WDR76: variants seen among roughly 807,000 people sequenced by gnomAD.
The protein encoded by WDR76 is WD repeat-containing protein 76.
In WDR76, 52 loss-of-function variants were observed where a neutral mutation model predicts 70.2. The observed-to-expected ratio is 0.74, with a 90% CI of 0.59 to 0.93. The LOEUF is 0.93. Ranked by LOEUF, WDR76 falls within the 40% of genes least tolerant of loss-of-function variation. The pLI is 0.00. For synonymous variants in WDR76, 292 were observed against 271.1 expected (o/e 1.08, Z -0.76); for missense variants, 756 against 760.2 (o/e 0.99, Z 0.07).
intron 11 of WDR76, among the ~76,000 whole-genome samples, chr15:43,860,973 T>G (rs1395154188): frequency 7.5e-6 from 1 of 133,184 alleles, no homozygotes; most frequent in Non-Finnish European, 1.5e-5. Flanking sequence ...CAGGCTGGAG[T>G]GCAGTAGAGT....
chr15:43,844,188 C>A, intron 8 of WDR76, 134 bp downstream of exon 8: 1 of 741,878 alleles, frequency 1.3e-6, no homozygotes, highest in Non-Finnish European at 2.0e-6. Context: ...CTTTATGATT[C>A]CAAATTTTAG....
Position 43,844,009 on chromosome 15 carries a change from G to A in WDR76, c.987G>A (p.Leu329=). The A allele has an allele frequency of 6.2e-7, 1 of 1,613,572 alleles. No individual in the cohort carries two copies. The highest frequency in any genetic ancestry group is 8.5e-7 in the Non-Finnish European group (1 of 1,179,812). Residue 329 remains leucine (L), a synonymous_variant, in exon 8 of 13, where the codon TTG becomes TTA. Transcript: ENST00000263795. ...TCCATCCATCAGAAACTAGAACTTT[G>A]GTAGCAGTTGGGGCCAAATTTGGGC... is the stretch of plus-strand genomic sequence containing the variant. ...MALHPSETRT[L]VAVGAKFGQV...
chr15:43,859,019 C>G (rs1306188595), intron 11 of WDR76, among the ~76,000 whole-genome samples, 196 bp downstream of exon 11: 1 of 152,116 alleles, frequency 6.6e-6, no homozygotes, highest in Non-Finnish European at 1.5e-5. Flanking sequence ...CTGGAAATTT[C>G]CTTGAGACTG....
chr15:43,832,738 G>GCTTT (rs2087605496), intron 2 of WDR76, among the ~76,000 whole-genome samples: 1 of 88,782 alleles, frequency 1.1e-5, no homozygotes, highest in Non-Finnish European at 2.4e-5. Flanking sequence ...CACCCGGCTT[G>GCTTT]CTTTGTTTTT....
chr15:43,857,834 A>AC (rs2087947533), intron 10 of WDR76, among the ~76,000 whole-genome samples: 1 of 151,298 alleles, frequency 6.6e-6, no homozygotes, highest in Non-Finnish European at 1.5e-5. Context: ...AAAAAAAAAA[A>AC]AAAAAAAAAA....
intron 5 of WDR76, 54 bp downstream of exon 5, chr15:43,839,782 G>A: frequency 2.6e-6 from 4 of 1,517,156 alleles, no homozygotes; most frequent in African/African-American, 2.8e-5. Flanking sequence ...TGAAAAATTT[G>A]AAGTGTTGAA....
At chr15:43,841,635 G>A (rs2087726807) in intron 5 of WDR76, among the ~76,000 whole-genome samples, 1 of 151,934 alleles carries the variant, frequency 6.6e-6, no homozygotes, top group Non-Finnish European at 1.5e-5. Flanking sequence ...CCATGTACCT[G>A]GCCTGGTATT....
intron 8 of WDR76, among the ~76,000 whole-genome samples, chr15:43,845,861 G>GA (rs1459063947): frequency 6.6e-6 from 1 of 150,410 alleles, no homozygotes; most frequent in Non-Finnish European, 1.5e-5. Flanking sequence ...GACAATTAAT[G>GA]AAGGTGAAGA....
chr15:43,851,278 G>A, intron 9 of WDR76, 33 bp downstream of exon 9: 1 of 1,605,598 alleles, frequency 6.2e-7, no homozygotes, highest in Non-Finnish European at 8.5e-7. Context: ...GCTGACTTCA[G>A]ATGATATTCT....
At chr15:43,827,299 A>G (rs1016931130) in intron 1 of WDR76, among the ~76,000 whole-genome samples, 4 of 151,968 alleles carry the variant, frequency 2.6e-5, no homozygotes, top group African/African-American at 7.3e-5. Context: ...CCTTTCTTCA[A>G]CCTTCTGCGT....
rs752265712 is a variant in WDR76, at chr15:43,861,304, A to G, written c.1563-29A>G. ...ATTTCAGAAAGTTTTTAAGTAACAA[A>G]AGAATGTCTTACTCTCTTTATTTTG... On this transcript the variant is annotated intron_variant, in intron 11 of 12. Transcript: ENST00000263795. 4 of 1,597,294 alleles carry G rather than the reference A, an allele frequency of 2.5e-6. No individual in the cohort carries two copies. The South Asian group carries it at 3.3e-5, about 13-fold the overall frequency.
In WDR76 at chr15:43,866,622, C is replaced by CT. The variant is rs5812253; in HGVS notation, c.*251dup. The CT allele has an allele frequency of 6.1e-3, 757 of 124,178 alleles. No individual in the cohort carries two copies. Among genetic ancestry groups the CT allele is most frequent in the South Asian group, 0.01 (103 of 9,890 alleles). 7.7% of individuals were successfully genotyped at this position (124,178 alleles called of 1,614,324 possible). A position where few individuals can be genotyped will look rare whatever the true frequency, so the allele number is the denominator to read the frequency against. The stretch of plus-strand genomic sequence containing the variant: ...AGGGGAGGCTGAGGTGCCGTCAGGA[C>CT]TTTTTTTTTTTTTTTTTTTTTGAGA... On this transcript the variant is annotated 3_prime_UTR_variant, in exon 13 of 13. Coordinates refer to ENST00000263795, the MANE Select transcript of WDR76 (RefSeq NM_024908.4).
chr15:43,866,164 C>T lies in WDR76; in HGVS notation c.1653C>T (p.Phe551=), dbSNP rs778909102. 1.2e-6 allele frequency: 2 copies of T among 1,614,222 alleles called. No individual in the cohort carries two copies. The highest frequency in any genetic ancestry group is 2.2e-5 in the East Asian group (1 of 44,886). The part of the protein sequence containing the change: ...NTFTGRWLTR[F]QAMWDPKQED... ...TCACTGGGCGATGGCTGACCAGGTTCCAAGCCATGTGGGATCCTAAACAAG... is the reference window on the plus strand; with the variant it reads ...TCACTGGGCGATGGCTGACCAGGTTTCAAGCCATGTGGGATCCTAAACAAG... The change falls in exon 13 of 13, where the codon TTC becomes TTT. Residue 551 remains phenylalanine, a synonymous_variant. Coordinates refer to ENST00000263795, the MANE Select transcript of WDR76 (RefSeq NM_024908.4).
chr15:43,862,796 C>T (rs1015768459), intron 12 of WDR76, among the ~76,000 whole-genome samples: 2 of 152,208 alleles, frequency 1.3e-5, no homozygotes, highest in African/African-American at 4.8e-5. Context: ...GCGTGAGCCA[C>T]CACACCCAGC....
At chr15:43,857,357 G>T (rs2087941366) in intron 10 of WDR76, 194 bp downstream of exon 10, 1 of 770,732 alleles carries the variant, frequency 1.3e-6, no homozygotes, top group South Asian at 5.9e-5. Flanking sequence ...AATTCTTTTA[G>T]ATTTGATAAA....
chr15:43,858,323 C>T (rs1325796554), intron 10 of WDR76, among the ~76,000 whole-genome samples: 3 of 151,102 alleles, frequency 2.0e-5, no homozygotes, highest in Non-Finnish European at 2.9e-5. Flanking sequence ...GGCGCGATCT[C>T]GGCTCACTGC....
At chr15:43,846,418 G>T (rs959701150) in intron 8 of WDR76, among the ~76,000 whole-genome samples, 1 of 148,972 alleles carries the variant, frequency 6.7e-6, no homozygotes, top group African/African-American at 2.4e-5. Context: ...CTGCGTAGCT[G>T]GGACTACGGT....
chr15:43,838,344 C>T (rs1415994025), intron 4 of WDR76, among the ~76,000 whole-genome samples: 1 of 152,128 alleles, frequency 6.6e-6, no homozygotes, highest in Non-Finnish European at 1.5e-5. Flanking sequence ...CATGACCATG[C>T]TCTGCTAAAT....
Position 43,863,005 on chromosome 15 carries a change from G to A in WDR76, c.1616+1619G>A, listed in dbSNP as rs139607314. On this transcript the variant is annotated intron_variant, in intron 12 of 12. Transcript: ENST00000263795. ...GGCTGGAGTGCACTGGCACGATCTCGGCTCACTGCAGCCTCCGCCTCCTGG... is the reference window on the plus strand; with the variant it reads ...GGCTGGAGTGCACTGGCACGATCTCAGCTCACTGCAGCCTCCGCCTCCTGG... Among the ~76,000 whole-genome samples the A allele has an allele frequency of 4.7e-4, 71 of 152,074 alleles. 1 individual carries two copies. In the East Asian group the frequency reaches 0.013, roughly 27 times the overall value.
Sources: allele counts gnomAD v4.1 joint callset (sites outside exome capture counted in the v4.1 genomes callset), GRCh38; gene constraint gnomAD v4.1.1; transcripts MANE v1.5; gene names NCBI Gene and HGNC (gene_info 2026-07-23, HGNC 2026-07-21).